CDK14: variants seen among roughly 807,000 people sequenced by gnomAD.
The protein encoded by CDK14 is cyclin-dependent kinase 14.
A neutral mutation model predicts 60.7 loss-of-function variants in CDK14; 34 were observed. The observed-to-expected ratio is 0.56, with a 90% confidence interval of 0.43 to 0.75. The LOEUF (loss-of-function observed/expected upper bound fraction) is 0.75. Among genes scored for constraint, CDK14 ranks in the 30% least tolerant of loss-of-function variants. CDK14 has a pLI of 0.00. For synonymous variants in CDK14, 197 were observed against 203.7 expected, an observed-to-expected ratio of 0.97 and a Z score of 0.28; for missense variants, 482 against 564.1, an observed-to-expected ratio of 0.85 and a Z score of 1.47.
rs1018471453 is a variant in CDK14, at chr7:90,723,714, A to T, written c.124-2853A>T. Among the ~76,000 whole-genome samples, 5 of 152,300 alleles carry T rather than the reference A, an allele frequency of 3.3e-5. No homozygotes were observed. The East Asian group carries it at 9.6e-4, about 29-fold the overall frequency. ...TTGGGAGCCATGTTAGAGACTGCCT[A>T]CCACTGTATTTTAAAATGGTGAATT... On this transcript the variant is annotated intron_variant, in intron 2 of 14. Coordinates refer to ENST00000380050, the MANE Select transcript of CDK14 (RefSeq NM_001287135.2).
intron 6 of CDK14, among the ~76,000 whole-genome samples, chr7:90,870,433 A>C (rs1045736238): frequency 6.6e-6 from 1 of 152,296 alleles, no homozygotes; most frequent in Middle Eastern, 3.4e-3. Flanking sequence ...TTGTATAGCA[A>C]ACCCCCATTA....
intron 7 of CDK14, among the ~76,000 whole-genome samples, chr7:90,911,551 A>G (rs1792901595): frequency 6.6e-6 from 1 of 152,178 alleles, no homozygotes; most frequent in East Asian, 1.9e-4. Context: ...GCCCTGAAAA[A>G]TCTACAAGAT....
intron 2 of CDK14, among the ~76,000 whole-genome samples, chr7:90,618,214 A>C (rs1180270561): frequency 6.6e-6 from 1 of 152,236 alleles, no homozygotes; most frequent in Admixed American, 6.5e-5. Flanking sequence ...TAATATTTAC[A>C]TCTTAGAAAG....
intron 5 of CDK14, among the ~76,000 whole-genome samples, chr7:90,813,466 G>A (rs1488904004): frequency 6.6e-6 from 1 of 152,206 alleles, no homozygotes; most frequent in Admixed American, 6.5e-5. Flanking sequence ...TGACTGATCT[G>A]GCTGGGCGTG....
chr7:91,081,402 T>G (rs772424938), intron 12 of CDK14, among the ~76,000 whole-genome samples: 2 of 152,234 alleles, frequency 1.3e-5, no homozygotes, highest in Non-Finnish European at 2.9e-5. Context: ...GAAGCAACTG[T>G]TAAATTCTCT....
chr7:90,905,831 A>G (rs530958366), intron 7 of CDK14, among the ~76,000 whole-genome samples: 1 of 152,256 alleles, frequency 6.6e-6, no homozygotes, highest in South Asian at 2.1e-4. Flanking sequence ...ACTTCCTCCA[A>G]GGGTATGGAA....
intron 1 of CDK14, among the ~76,000 whole-genome samples, chr7:90,603,554 A>G (rs901530648): frequency 6.6e-6 from 1 of 152,164 alleles, no homozygotes; most frequent in African/African-American, 2.4e-5. Context: ...GCACAATGAA[A>G]TTGCCTAAGG....
intron 8 of CDK14, among the ~76,000 whole-genome samples, chr7:90,951,866 A>T (rs924690182): frequency 5.3e-5 from 8 of 152,184 alleles, no homozygotes; most frequent in Non-Finnish European, 1.0e-4. Flanking sequence ...AAGGAATTAC[A>T]TAGAACCAGG....
chr7:90,828,232 T>C (rs1282592740), intron 5 of CDK14, among the ~76,000 whole-genome samples: 1 of 152,216 alleles, frequency 6.6e-6, no homozygotes, highest in Non-Finnish European at 1.5e-5. Flanking sequence ...TGTTGTTATA[T>C]AACGTGGTTT....
chr7:90,857,008 C>T (rs1790841031), intron 5 of CDK14, among the ~76,000 whole-genome samples: 1 of 152,016 alleles, frequency 6.6e-6, no homozygotes, highest in Non-Finnish European at 1.5e-5. Context: ...GGCGGATGGG[C>T]TGTGTGTCTT....
Position 90,733,302 on chromosome 7 carries a change from T to C in CDK14, c.369+6490T>C, listed in dbSNP as rs189582492. ...ATGTGTGATGTGGTGCTGAGAGGAA[T>C]GTATATTCTGTTGATTTGGGGTGGA... On this transcript the variant is annotated intron_variant, in intron 3 of 14. Transcript: ENST00000380050. Among the ~76,000 whole-genome samples, 420 of 152,324 alleles carry C rather than the reference T, an allele frequency of 2.8e-3. 3 individuals are homozygous for C. Among genetic ancestry groups the C allele is most frequent in the Non-Finnish European group, 4.3e-3 (292 of 68,014 alleles).
rs802418 is a variant in CDK14, at chr7:90,997,729, A to G, written c.1041+13488A>G. ...ATATTAGGTTCTTTTCTTGGCTCTC[A>G]TATTATTCATAATAAAATGAAATAC... On this transcript the variant is annotated intron_variant, in intron 10 of 14. Transcript: ENST00000380050. Among the ~76,000 whole-genome samples, 656 of 152,326 alleles carry G rather than the reference A, an allele frequency of 4.3e-3. 27 individuals are homozygous for G. In the East Asian group the frequency reaches 0.095, roughly 22 times the overall value.
intron 2 of CDK14, among the ~76,000 whole-genome samples, chr7:90,659,392 C>T (rs1022844570): frequency 1.3e-5 from 2 of 152,140 alleles, no homozygotes; most frequent in East Asian, 3.9e-4. Context: ...TTATATGCTT[C>T]CTGCTGATTT....
chr7:90,707,423 G>A (rs1176376199), intron 2 of CDK14, among the ~76,000 whole-genome samples: 1 of 151,980 alleles, frequency 6.6e-6, no homozygotes, highest in South Asian at 2.1e-4. Flanking sequence ...CACTAGCTTA[G>A]CTTCCCAAGT....
At chr7:90,825,562 A>G (rs1421097033) in intron 5 of CDK14, among the ~76,000 whole-genome samples, 3 of 152,206 alleles carry the variant, frequency 2.0e-5, no homozygotes. Flanking sequence ...TTGCTGTGGT[A>G]TAAGTAATGA....
intron 2 of CDK14, among the ~76,000 whole-genome samples, chr7:90,622,681 C>T (rs574878302): frequency 3.3e-5 from 5 of 152,288 alleles, no homozygotes; most frequent in South Asian, 2.1e-4. Context: ...TATCTACTAA[C>T]CTTATTTGTG....
At chr7:91,151,732 T>A (rs1800833646) in intron 14 of CDK14, among the ~76,000 whole-genome samples, 1 of 152,224 alleles carries the variant, frequency 6.6e-6, no homozygotes, top group Non-Finnish European at 1.5e-5. Context: ...TTTCTCTGCA[T>A]CTTCTGCCTT....
At chr7:90,937,986 T>C (rs754390224) in intron 8 of CDK14, among the ~76,000 whole-genome samples, 2 of 152,248 alleles carry the variant, frequency 1.3e-5, no homozygotes, top group Non-Finnish European at 2.9e-5. Flanking sequence ...CTACAAAGCG[T>C]AGCTAGAGTA....
intron 14 of CDK14, among the ~76,000 whole-genome samples, chr7:91,171,000 T>C (rs1452536257): frequency 6.6e-6 from 1 of 151,950 alleles, no homozygotes; most frequent in Non-Finnish European, 1.5e-5. Flanking sequence ...ACTCCTGACC[T>C]CAGATGATTT....
Sources: gnomAD v4.1 joint callset for allele counts (sites outside exome capture counted in the v4.1 genomes callset) on GRCh38, gnomAD v4.1.1 for gene constraint, MANE v1.5 for transcripts, NCBI Gene and HGNC (gene_info 2026-07-23, HGNC 2026-07-21) for gene names.